Variants in ZNF512 observed in about 807,000 individuals in gnomAD.
The protein encoded by ZNF512 is zinc finger protein 512.
ZNF512 carries 25 observed loss-of-function variants against 77.5 expected under a neutral mutation model. The observed-to-expected ratio is 0.32, with a 90% CI of 0.23 to 0.45. The LOEUF (loss-of-function observed/expected upper bound fraction) is 0.45. Ranked by LOEUF, ZNF512 falls within the 20% of genes least tolerant of loss-of-function variation. The pLI is 1.00. For synonymous variants in ZNF512, 246 were observed against 239.9 expected, an observed-to-expected ratio of 1.03 and a Z score of -0.24; for missense variants, 483 against 692.6, an observed-to-expected ratio of 0.70 and a Z score of 3.40.
intron 10 of ZNF512, among the ~76,000 whole-genome samples, chr2:27,611,373 G>A (rs2148037421): frequency 6.6e-6 from 1 of 152,178 alleles, no homozygotes; most frequent in South Asian, 2.1e-4. Flanking sequence ...CCCCAGTGTG[G>A]ATTTGCATGA....
rs1209500655 is a variant in ZNF512 at position 27,598,313 on chromosome 2, A to G, written c.277+59A>G. On this transcript the variant is annotated intron_variant, in intron 3 of 13. Transcript: ENST00000355467. ...CCACTTCCTAAAGTTATAGTTTGAG[A>G]TTGTTATAAATACCTCTTAAAAGTA... The G allele has an allele frequency of 5.3e-6, 8 of 1,515,654 alleles. No homozygotes were observed. The African/African-American group carries it at 9.6e-5, about 18-fold the overall frequency. The allele number at this position is 1,515,654 out of a possible 1,614,324, so 93.9% of individuals were successfully genotyped here.
chr2:27,583,203 G>C, intron 1 of ZNF512, 61 bp downstream of exon 1: 1 of 1,611,590 alleles, frequency 6.2e-7, no homozygotes, highest in Non-Finnish European at 8.5e-7. Flanking sequence ...CGGAACACGC[G>C]GTCCCTCGCT....
At position 27,617,460 on chromosome 2, in the gene ZNF512, C is replaced by G; in HGVS notation, c.1297-13C>G. The G allele has an allele frequency of 8.8e-7, 1 of 1,142,834 alleles. No individual in the cohort carries two copies. The highest frequency in any genetic ancestry group is 1.5e-5 in the African/African-American group (1 of 65,906). 70.8% of individuals were successfully genotyped at this position (1,142,834 alleles called of 1,614,324 possible). On this transcript the variant is annotated splice_polypyrimidine_tract_variant and intron_variant, in intron 12 of 13. Transcript: ENST00000355467. ...TTACCAGTAATTCTTTTTTGTTTCTCTCTTGGAAATAGGGAAACTTTGTGG... is the reference window on the plus strand; with the variant it reads ...TTACCAGTAATTCTTTTTTGTTTCTGTCTTGGAAATAGGGAAACTTTGTGG...
chr2:27,593,391 C>CA (rs572251742), intron 2 of ZNF512, among the ~76,000 whole-genome samples: 2,505 of 76,574 alleles, frequency 0.033, 36 homozygotes, highest in Middle Eastern at 0.092. Flanking sequence ...GACCTTGTCT[C>CA]AAAAAAAAAA....
At chr2:27,616,991 C>T (rs1672909131) in intron 12 of ZNF512, 4 of 161,228 alleles carry the variant, frequency 2.5e-5, no homozygotes, top group Admixed American at 1.8e-4. Flanking sequence ...AGGAGTTTGT[C>T]ATCTTGATCC....
At chr2:27,614,691 AAAAATTCAACCAGAG>A (rs1379284523) in intron 10 of ZNF512, among the ~76,000 whole-genome samples, 68 of 152,142 alleles carry the variant, frequency 4.5e-4, no homozygotes, top group African/African-American at 1.4e-3. Flanking sequence ...AAAAAAAAAA[AAAAATTCAACCAGAG>A]AATACCACTG....
chr2:27,583,227 G>A, intron 1 of ZNF512, 85 bp downstream of exon 1: 1 of 1,600,182 alleles, frequency 6.2e-7, no homozygotes, highest in Non-Finnish European at 8.6e-7. Flanking sequence ...GTCCCATGCT[G>A]AGTTGGTTTT....
chr2:27,599,793 A>G, intron 4 of ZNF512, 115 bp downstream of exon 4: 1 of 1,179,478 alleles, frequency 8.5e-7, no homozygotes, highest in Non-Finnish European at 1.2e-6. Flanking sequence ...AGCCCTTTGA[A>G]TTGTTTGGGA....
chr2:27,617,384 C>T, intron 12 of ZNF512, 89 bp from the exon 13 acceptor site: 1 of 703,500 alleles, frequency 1.4e-6, no homozygotes, highest in Non-Finnish European at 2.6e-6. Flanking sequence ...GTAGAATTCC[C>T]TCTTTTCATC....
intron 12 of ZNF512, 66 bp from the exon 13 acceptor site, chr2:27,617,407 T>C (rs1443911374): frequency 2.6e-6 from 2 of 773,296 alleles, no homozygotes; most frequent in Non-Finnish European, 4.8e-6. Flanking sequence ...TAACAATCCC[T>C]ACACATAGCC....
chr2:27,619,953 T>C (rs772438342), intron 13 of ZNF512, among the ~76,000 whole-genome samples: 15 of 152,188 alleles, frequency 9.9e-5, no homozygotes, highest in Non-Finnish European at 1.3e-4. Context: ...TTTCCCTGAT[T>C]ATCTTATAAT....
intron 3 of ZNF512, among the ~76,000 whole-genome samples, chr2:27,598,934 G>T (rs1345371171): frequency 6.6e-6 from 1 of 151,992 alleles, no homozygotes; most frequent in Non-Finnish European, 1.5e-5. Flanking sequence ...CTGGGTTCAA[G>T]CGATTCTCCT....
chr2:27,597,821 A>T (rs550218963), intron 2 of ZNF512, among the ~76,000 whole-genome samples: 1 of 152,232 alleles, frequency 6.6e-6, no homozygotes, highest in African/African-American at 2.4e-5. Context: ...AGGAATGTCT[A>T]CTTGGGCTGC....
intron 8 of ZNF512, 69 bp from the exon 9 acceptor site, chr2:27,603,071 C>G: frequency 6.4e-7 from 1 of 1,566,214 alleles, no homozygotes; most frequent in East Asian, 2.2e-5. Flanking sequence ...TGCTTTATGG[C>G]TGTTTAGAAA....
At chr2:27,586,105 A>ACT (rs1414044348) in intron 2 of ZNF512, among the ~76,000 whole-genome samples, 38 of 152,272 alleles carry the variant, frequency 2.5e-4, no homozygotes, top group African/African-American at 8.4e-4. Context: ...GTATATGGGT[A>ACT]CTGTATTTCT....
At chr2:27,597,892 C>T (rs1251472079) in intron 2 of ZNF512, among the ~76,000 whole-genome samples, 175 bp from the exon 3 acceptor site, 1 of 152,210 alleles carries the variant, frequency 6.6e-6, no homozygotes, top group African/African-American at 2.4e-5. Flanking sequence ...AATAATTGTA[C>T]ATGTTGTGTT....
At chr2:27,602,860 G>A (rs958809902) in intron 8 of ZNF512, among the ~76,000 whole-genome samples, 2 of 152,078 alleles carry the variant, frequency 1.3e-5, no homozygotes, top group Non-Finnish European at 2.9e-5. Context: ...ATATTGGGAT[G>A]GGGTTGGATC....
intron 10 of ZNF512, 118 bp downstream of exon 10, chr2:27,608,157 C>T (rs1672451040): frequency 1.0e-6 from 1 of 966,274 alleles, no homozygotes; most frequent in Non-Finnish European, 1.5e-6. Context: ...GTTTGTTTAT[C>T]TTTGGAGATA....
In ZNF512 at chr2:27,601,353, T is replaced by C. The variant is rs1308357452; in HGVS notation, c.583-3T>C. The C allele has an allele frequency of 7.4e-6, 12 of 1,612,538 alleles. No homozygotes were observed. The highest frequency in any genetic ancestry group is 8.5e-6 in the Non-Finnish European group (10 of 1,178,694). On this transcript the variant is annotated splice_region_variant and splice_polypyrimidine_tract_variant and intron_variant, in intron 6 of 13. Coordinates refer to ENST00000355467, the MANE Select transcript of ZNF512 (RefSeq NM_032434.4). ...TAGCACTGAGCAGTATTTTTCCTTC[T>C]AGGAAATGTTTACTTGTCATCATTG...
Sources: allele counts gnomAD v4.1 joint callset (sites outside exome capture counted in the v4.1 genomes callset), GRCh38; gene constraint gnomAD v4.1.1; transcripts MANE v1.5; gene names NCBI Gene and HGNC (gene_info 2026-07-23, HGNC 2026-07-21).